TBCK: variants seen among roughly 807,000 people sequenced by gnomAD.
TBCK encodes the protein TBC1 domain containing kinase.
In TBCK, 99 loss-of-function variants were observed where a neutral mutation model predicts 113.4. The ratio of observed to expected loss-of-function variants is 0.87; its 90% confidence interval spans 0.74 to 1.03. The LOEUF is 1.03. Among genes scored for constraint, TBCK ranks in the 50% least tolerant of loss-of-function variants. TBCK has a pLI of 0.00. For missense variants in TBCK, 1,045 were observed against 1,061.3 expected (o/e 0.98, Z 0.21); for synonymous variants, 369 against 370.8 (o/e 1.00, Z 0.05).
chr4:106,169,965 T>G (rs1579111862), intron 23 of TBCK, among the ~76,000 whole-genome samples: 1 of 152,034 alleles, frequency 6.6e-6, no homozygotes, highest in Middle Eastern at 3.4e-3. Flanking sequence ...AGCGCTCAGG[T>G]GGTAATGCAA....
At chr4:106,193,555 T>C (rs1753889379) in intron 22 of TBCK, 54 bp downstream of exon 22, 3 of 1,595,428 alleles carry the variant, frequency 1.9e-6, no homozygotes, top group Non-Finnish European at 2.6e-6. Context: ...TAAGAATGTG[T>C]CATTATTTCA....
chr4:106,110,665 A>G (rs1465931632), intron 24 of TBCK, among the ~76,000 whole-genome samples: 2 of 152,130 alleles, frequency 1.3e-5, no homozygotes, highest in African/African-American at 4.8e-5. Flanking sequence ...CATGATGTAC[A>G]AGGGCAATGG....
intron 19 of TBCK, among the ~76,000 whole-genome samples, chr4:106,216,676 C>G (rs369692978): frequency 1.2e-4 from 19 of 152,236 alleles, no homozygotes; most frequent in Middle Eastern, 3.4e-3. Flanking sequence ...GGAAGAAGTT[C>G]AATCTCTGAA....
chr4:106,235,458 T>A, intron 14 of TBCK, 91 bp from the exon 15 acceptor site: 3 of 726,172 alleles, frequency 4.1e-6, no homozygotes, highest in Non-Finnish European at 2.1e-6. Flanking sequence ...TGATAAAACT[T>A]AAGTGACTTG....
intron 20 of TBCK, among the ~76,000 whole-genome samples, chr4:106,207,946 G>C (rs549828264): frequency 6.6e-6 from 1 of 152,176 alleles, no homozygotes; most frequent in African/African-American, 2.4e-5. Flanking sequence ...TTTGCTAGAG[G>C]ACATTCAGAA....
chr4:106,152,545 C>T (rs939887472), intron 23 of TBCK, among the ~76,000 whole-genome samples: 1 of 151,778 alleles, frequency 6.6e-6, no homozygotes, highest in Admixed American at 6.6e-5. Flanking sequence ...CTACAGTTTT[C>T]TTTTTTTGAT....
Position 106,280,867 on chromosome 4 carries a change from A to T in TBCK, c.266+14227T>A, listed in dbSNP as rs181764713. On this transcript the variant is annotated intron_variant, in intron 3 of 25. Transcript: ENST00000394708. ...TGAAGTCAGTAAATTTGAATCCTCCAGTTTCATTCTTTTTGCTCATGACAG... is the reference window on the plus strand; with the variant it reads ...TGAAGTCAGTAAATTTGAATCCTCCTGTTTCATTCTTTTTGCTCATGACAG... Among the ~76,000 whole-genome samples, 421 of 152,176 alleles carry T rather than the reference A, an allele frequency of 2.8e-3. 3 individuals carry two copies. The highest frequency in any genetic ancestry group is 9.5e-3 in the African/African-American group (395 of 41,540).
At chr4:106,062,226 T>C (rs940197526) in intron 25 of TBCK, among the ~76,000 whole-genome samples, 2 of 151,850 alleles carry the variant, frequency 1.3e-5, no homozygotes, top group Non-Finnish European at 2.9e-5. Flanking sequence ...TATGTGGAAA[T>C]TTTTTTGAAA....
At chr4:106,190,061 T>A (rs1753486318) in intron 22 of TBCK, among the ~76,000 whole-genome samples, 1 of 152,220 alleles carries the variant, frequency 6.6e-6, no homozygotes, top group African/African-American at 2.4e-5. Flanking sequence ...GCAGTATTCA[T>A]CACCATGATA....
intron 13 of TBCK, 49 bp downstream of exon 13, chr4:106,236,710 A>C: frequency 6.2e-6 from 7 of 1,133,736 alleles, no homozygotes; most frequent in Non-Finnish European, 8.4e-6. Context: ...TATAAATCTA[A>C]TATAAATAGA....
intron 25 of TBCK, among the ~76,000 whole-genome samples, chr4:106,057,757 T>C (rs1393969611): frequency 6.6e-6 from 1 of 151,828 alleles, no homozygotes; most frequent in African/African-American, 2.4e-5. Flanking sequence ...TTCGCAGTAC[T>C]ATTTCCAGAA....
intron 3 of TBCK, 73 bp downstream of exon 3, chr4:106,295,021 G>A: frequency 8.1e-7 from 1 of 1,232,284 alleles, no homozygotes; most frequent in Non-Finnish European, 1.1e-6. Flanking sequence ...CCAAACCCCT[G>A]CAGTTTAAAC....
intron 23 of TBCK, among the ~76,000 whole-genome samples, chr4:106,161,289 T>C (rs1359091519): frequency 6.6e-6 from 1 of 152,148 alleles, no homozygotes; most frequent in Non-Finnish European, 1.5e-5. Flanking sequence ...AAAGGGTTTG[T>C]ACATATTCAG....
At chr4:106,263,351 T>C (rs1762671859) in intron 3 of TBCK, among the ~76,000 whole-genome samples, 1 of 151,902 alleles carries the variant, frequency 6.6e-6, no homozygotes, top group Admixed American at 6.6e-5. Flanking sequence ...ATAGATTAAG[T>C]ACAAATGGTC....
intron 24 of TBCK, 96 bp downstream of exon 24, chr4:106,116,107 C>A: frequency 1.7e-6 from 2 of 1,194,272 alleles, no homozygotes; most frequent in South Asian, 1.7e-5. Context: ...CAGAAGAATC[C>A]CAGAATTTTT....
chr4:106,085,093 A>G (rs1230530797), intron 25 of TBCK, among the ~76,000 whole-genome samples: 1 of 152,196 alleles, frequency 6.6e-6, no homozygotes, highest in East Asian at 1.9e-4. Flanking sequence ...TTCACACATA[A>G]CAATACTACC....
chr4:106,240,208 G>C (rs1269127272), intron 12 of TBCK, among the ~76,000 whole-genome samples: 1 of 152,008 alleles, frequency 6.6e-6, no homozygotes, highest in Admixed American at 6.6e-5. Flanking sequence ...TTATAACTAA[G>C]AATAGAAGAC....
intron 25 of TBCK, among the ~76,000 whole-genome samples, chr4:106,058,832 T>G (rs1735721343): frequency 6.6e-6 from 1 of 151,708 alleles, no homozygotes; most frequent in African/African-American, 2.4e-5. Flanking sequence ...CAGTCTAGTG[T>G]AGGGCAGAAG....
chr4:106,079,692 A>G (rs1337100413), intron 25 of TBCK, among the ~76,000 whole-genome samples: 1 of 152,212 alleles, frequency 6.6e-6, no homozygotes, highest in African/African-American at 2.4e-5. Flanking sequence ...TTCCATGCTC[A>G]TGAAAAGGAA....
Sources: gnomAD v4.1 joint callset for allele counts (sites outside exome capture counted in the v4.1 genomes callset) on GRCh38, gnomAD v4.1.1 for gene constraint, MANE v1.5 for transcripts, NCBI Gene and HGNC (gene_info 2026-07-23, HGNC 2026-07-21) for gene names.